The following KIAA1328 variants were observed in gnomAD, a reference collection of about 807,000 sequenced individuals.
KIAA1328 encodes the protein KIAA1328.
A neutral mutation model predicts 68.1 loss-of-function variants in KIAA1328; 52 were observed. That is an observed-to-expected ratio of 0.76 (90% CI 0.61 to 0.96). The LOEUF (loss-of-function observed/expected upper bound fraction) is 0.96. KIAA1328 is among the 40% of genes least tolerant of loss of function. The pLI is 0.00. For synonymous variants in KIAA1328, 232 were observed against 239.4 expected, an observed-to-expected ratio of 0.97 and a Z score of 0.28; for missense variants, 641 against 677.6, an observed-to-expected ratio of 0.95 and a Z score of 0.60.
rs1396481614 is a variant in KIAA1328, at chr18:37,223,074, GTGC to G, written c.*849_*851del. ...CCCACCCCCCCACCCCCCATCACAC[GTGC>G]TCCTGTGAACTTTCCATGGTTATGT... On this transcript the variant is annotated 3_prime_UTR_variant, in exon 10 of 10. Transcript: ENST00000280020. 5.9e-6 allele frequency: 3 copies of G among 507,744 alleles called. No homozygotes were observed. The highest frequency in any genetic ancestry group is 6.5e-6 in the Non-Finnish European group (3 of 459,038). The allele number at this position is 507,744 out of a possible 1,614,324, so 31.5% of individuals were successfully genotyped here. A position where few individuals can be genotyped will look rare whatever the true frequency, so the allele number is the denominator to read the frequency against.
chr18:37,083,864 A>T (rs1366052460), intron 7 of KIAA1328, among the ~76,000 whole-genome samples: 1 of 152,188 alleles, frequency 6.6e-6, no homozygotes, highest in East Asian at 1.9e-4. Context: ...CTCCTATTGA[A>T]GTATCTATAA....
chr18:37,168,140 A>T (rs1424713705), intron 8 of KIAA1328, among the ~76,000 whole-genome samples: 2 of 152,238 alleles, frequency 1.3e-5, no homozygotes, highest in Non-Finnish European at 2.9e-5. Context: ...ACACAGAAAA[A>T]GCATTTGACA....
intron 5 of KIAA1328, among the ~76,000 whole-genome samples, chr18:36,914,602 C>T (rs2049607953): frequency 6.6e-6 from 1 of 151,880 alleles, no homozygotes; most frequent in African/African-American, 2.4e-5. Flanking sequence ...TGCCTGTAAT[C>T]CCAGCTACTT....
chr18:36,895,680 T>G, intron 5 of KIAA1328: 2 of 449,014 alleles, frequency 4.5e-6, no homozygotes, highest in Non-Finnish European at 9.0e-6. Context: ...ACTTAAGAAT[T>G]TGCGATGGAC....
intron 2 of KIAA1328, among the ~76,000 whole-genome samples, chr18:36,834,563 A>G (rs968180487): frequency 3.9e-5 from 6 of 152,244 alleles, no homozygotes; most frequent in Non-Finnish European, 7.3e-5. Flanking sequence ...TGGCCCAATC[A>G]GCTTTTAATG....
chr18:37,190,101 G>A (rs1391335085), intron 9 of KIAA1328, among the ~76,000 whole-genome samples: 1 of 152,132 alleles, frequency 6.6e-6, no homozygotes, highest in Admixed American at 6.6e-5. Flanking sequence ...AAAGAGGTAG[G>A]TGGGAAATCA....
chr18:37,074,034 T>C (rs1307248024), intron 7 of KIAA1328, among the ~76,000 whole-genome samples: 1 of 152,224 alleles, frequency 6.6e-6, no homozygotes, highest in Non-Finnish European at 1.5e-5. Context: ...CATTGAACCA[T>C]TGGAAAATGG....
chr18:37,113,036 G>C (rs2057983158), intron 7 of KIAA1328, among the ~76,000 whole-genome samples: 2 of 152,192 alleles, frequency 1.3e-5, no homozygotes, highest in Admixed American at 1.3e-4. Flanking sequence ...CGTTTGACTG[G>C]TGTACCTGAA....
intron 6 of KIAA1328, among the ~76,000 whole-genome samples, chr18:37,001,805 CCCTT>C (rs2053595273): frequency 6.6e-6 from 1 of 152,116 alleles, no homozygotes. Flanking sequence ...AATTCAACAT[CCCTT>C]CATGATAAAA....
At chr18:36,992,819 A>G (rs969022830) in intron 6 of KIAA1328, among the ~76,000 whole-genome samples, 2 of 152,168 alleles carry the variant, frequency 1.3e-5, no homozygotes, top group Non-Finnish European at 2.9e-5. Context: ...TTTAATAAAA[A>G]CAGGCCAGGT....
rs113069990 is a variant in KIAA1328, at chr18:36,972,540, A to G, written c.576+13105A>G. Among the ~76,000 whole-genome samples, 714 of 152,356 alleles carry G rather than the reference A, an allele frequency of 4.7e-3. 7 individuals are homozygous for G. Among genetic ancestry groups the G allele is most frequent in the African/African-American group, 0.016 (677 of 41,586 alleles). On this transcript the variant is annotated intron_variant, in intron 6 of 9. Transcript: ENST00000280020. Reference sequence around the variant, plus strand: ...ATCAAAGATCATCACAATGCTAGCCATTGTTAATGTAAGTTCCAAAACTTC... The same window carrying G: ...ATCAAAGATCATCACAATGCTAGCCGTTGTTAATGTAAGTTCCAAAACTTC...
chr18:37,153,056 T>A (rs548729293), intron 7 of KIAA1328, among the ~76,000 whole-genome samples: 2 of 152,306 alleles, frequency 1.3e-5, no homozygotes, highest in African/African-American at 4.8e-5. Context: ...AGAGCCCATC[T>A]GCAAAATAAA....
chr18:36,933,094 A>C (rs1403007082), intron 5 of KIAA1328, among the ~76,000 whole-genome samples: 2 of 152,150 alleles, frequency 1.3e-5, no homozygotes, highest in African/African-American at 4.8e-5. Flanking sequence ...CATTCAACAC[A>C]CATATATAGG....
intron 7 of KIAA1328, among the ~76,000 whole-genome samples, chr18:37,137,344 T>A (rs2058667947): frequency 6.6e-6 from 1 of 151,970 alleles, no homozygotes; most frequent in Non-Finnish European, 1.5e-5. Context: ...CAAGGATCCT[T>A]CTCCTTAAAA....
At chr18:37,174,585 A>AT (rs2059564547) in intron 9 of KIAA1328, among the ~76,000 whole-genome samples, 1 of 139,028 alleles carries the variant, frequency 7.2e-6, no homozygotes, top group Non-Finnish European at 1.5e-5. Flanking sequence ...TTTTATTTTT[A>AT]TTTTATTTTA....
At chr18:37,095,113 A>G (rs1458771560) in intron 7 of KIAA1328, among the ~76,000 whole-genome samples, 1 of 152,218 alleles carries the variant, frequency 6.6e-6, no homozygotes, top group Non-Finnish European at 1.5e-5. Context: ...AAAGAGAGAA[A>G]TAGCCCTAAA....
At chr18:37,141,103 A>G (rs2058754854) in intron 7 of KIAA1328, among the ~76,000 whole-genome samples, 2 of 152,152 alleles carry the variant, frequency 1.3e-5, no homozygotes, top group South Asian at 4.1e-4. Flanking sequence ...ACTTTACTTA[A>G]ATATAACTTG....
At chr18:37,112,870 T>A (rs1361423452) in intron 7 of KIAA1328, among the ~76,000 whole-genome samples, 1 of 152,138 alleles carries the variant, frequency 6.6e-6, no homozygotes, top group Admixed American at 6.5e-5. Context: ...ATGCACAAGC[T>A]TCAGTAGCTG....
At chr18:37,020,518 A>G (rs2054308228) in intron 6 of KIAA1328, among the ~76,000 whole-genome samples, 1 of 152,250 alleles carries the variant, frequency 6.6e-6, no homozygotes, top group African/African-American at 2.4e-5. Flanking sequence ...TAATATTCAG[A>G]ATACTGTATA....
Sources: allele counts gnomAD v4.1 joint callset (sites outside exome capture counted in the v4.1 genomes callset), GRCh38; gene constraint gnomAD v4.1.1; transcripts MANE v1.5; gene names NCBI Gene and HGNC (gene_info 2026-07-23, HGNC 2026-07-21).